The following LTBP1 variants were observed in gnomAD, a reference collection of about 807,000 sequenced individuals.
The protein encoded by LTBP1 is latent transforming growth factor beta binding protein 1.
In LTBP1, 129 loss-of-function variants were observed where a neutral mutation model predicts 207.6. The observed-to-expected ratio is 0.62, with a 90% CI of 0.54 to 0.72. The LOEUF is 0.72. Among genes scored for constraint, LTBP1 ranks in the 30% least tolerant of loss-of-function variants. The pLI, the probability that LTBP1 is intolerant of heterozygous loss-of-function variation, is 0.00. For synonymous variants in LTBP1, 963 were observed against 833.7 expected (o/e 1.16, Z -2.67); for missense variants, 2,281 against 2,217.2 (o/e 1.03, Z -0.58).
chr2:33,208,002 C>T (rs1478832014), intron 7 of LTBP1, among the ~76,000 whole-genome samples: 1 of 152,202 alleles, frequency 6.6e-6, no homozygotes, highest in African/African-American at 2.4e-5. Flanking sequence ...CAACCTGTTA[C>T]ATGTAGTCAG....
intron 3 of LTBP1, among the ~76,000 whole-genome samples, chr2:33,108,330 A>G (rs2080183211): frequency 6.6e-6 from 1 of 152,096 alleles, no homozygotes; most frequent in Non-Finnish European, 1.5e-5. Context: ...GTGTAGCTCC[A>G]TATTTGCAAT....
chr2:33,309,361 C>A, intron 22 of LTBP1, 73 bp from the exon 23 acceptor site: 1 of 981,698 alleles, frequency 1.0e-6, no homozygotes, highest in Non-Finnish European at 1.5e-6. Flanking sequence ...TGTACCTTTA[C>A]ATGTAAGAGA....
chr2:33,343,096 A>C (rs1261329344), intron 25 of LTBP1, 133 bp downstream of exon 25: 3 of 1,118,302 alleles, frequency 2.7e-6, no homozygotes, highest in Non-Finnish European at 2.5e-6. Flanking sequence ...ATACAATTTG[A>C]GGATGTGCAA....
intron 3 of LTBP1, among the ~76,000 whole-genome samples, chr2:33,087,706 A>G: frequency 6.6e-6 from 1 of 152,254 alleles, no homozygotes; most frequent in East Asian, 1.9e-4. Flanking sequence ...GACCAGAAAT[A>G]TAAGTCACAT....
At chr2:33,152,386 G>C (rs1295715350) in intron 5 of LTBP1, among the ~76,000 whole-genome samples, 1 of 152,136 alleles carries the variant, frequency 6.6e-6, no homozygotes, top group Non-Finnish European at 1.5e-5. Flanking sequence ...ACGCCTGCAA[G>C]AATGACCATA....
At chr2:33,057,885 G>A (rs11897588) in intron 3 of LTBP1, among the ~76,000 whole-genome samples, 16,862 of 152,274 alleles carry the variant, frequency 0.11, 1,051 homozygotes, top group African/African-American at 0.13. Context: ...ATGGTGCAGC[G>A]GCGGGCTGAA....
intron 13 of LTBP1, among the ~76,000 whole-genome samples, chr2:33,261,031 A>G (rs1483863276): frequency 2.0e-5 from 3 of 152,234 alleles, no homozygotes; most frequent in Admixed American, 2.0e-4. Flanking sequence ...GAAGAAAAGA[A>G]AGGATACCCA....
intron 3 of LTBP1, among the ~76,000 whole-genome samples, chr2:33,089,458 G>C (rs2078955828): frequency 1.3e-5 from 2 of 152,176 alleles, no homozygotes; most frequent in Admixed American, 6.5e-5. Context: ...GCTTGGGGGA[G>C]GGTCCTACTG....
At chr2:33,180,686 C>G (rs913782919) in intron 5 of LTBP1, among the ~76,000 whole-genome samples, 1 of 152,020 alleles carries the variant, frequency 6.6e-6, no homozygotes, top group Non-Finnish European at 1.5e-5. Flanking sequence ...GAACTCCTGG[C>G]CTTAAGTGAT....
intron 3 of LTBP1, among the ~76,000 whole-genome samples, chr2:33,056,107 G>C (rs1365147563): frequency 6.6e-6 from 1 of 152,166 alleles, no homozygotes; most frequent in African/African-American, 2.4e-5. Flanking sequence ...CAGGATGATA[G>C]TATTGTAATT....
intron 4 of LTBP1, among the ~76,000 whole-genome samples, chr2:33,117,649 C>T (rs140482189): frequency 1.3e-5 from 2 of 152,312 alleles, no homozygotes; most frequent in East Asian, 1.9e-4. Context: ...TGGGCAAGAA[C>T]GTTGCTTAAA....
chr2:33,222,465 C>T (rs1225003012), intron 9 of LTBP1, among the ~76,000 whole-genome samples: 4 of 152,200 alleles, frequency 2.6e-5, no homozygotes, highest in Non-Finnish European at 5.9e-5. Flanking sequence ...TGGGCGTGTG[C>T]ACACATGTGC....
intron 3 of LTBP1, among the ~76,000 whole-genome samples, chr2:33,064,749 A>G (rs2077423481): frequency 6.6e-6 from 1 of 152,230 alleles, no homozygotes; most frequent in Non-Finnish European, 1.5e-5. Context: ...TTGAAAAGAC[A>G]GGCCAGAAGA....
chr2:32,947,479 G>A lies in LTBP1; in HGVS notation c.155G>A (p.Arg52Gln). 6.9e-7 allele frequency: 1 copy of A among 1,445,658 alleles called. No homozygotes were observed. The highest frequency in any genetic ancestry group is 9.1e-7 in the Non-Finnish European group (1 of 1,103,480). The allele number at this position is 1,445,658 out of a possible 1,614,324, so 89.6% of individuals were successfully genotyped here. ...ALPLSGPPRS[R>Q]TFNVALNARY... ...CCCCTGAGCGGGCCCCCGCGTTCGC[G>A]GACATTCAACGTCGCGCTCAACGCC... Residue 52 changes from arginine (R) to glutamine (Q), a missense_variant, in exon 1 of 34, where the codon CGG becomes CAG. By Grantham distance (43) the Arg-to-Gln change is conservative. Coordinates refer to ENST00000404816, the MANE Select transcript of LTBP1 (RefSeq NM_206943.4).
chr2:33,260,865 G>C (rs1054522848), intron 13 of LTBP1, among the ~76,000 whole-genome samples: 1 of 152,096 alleles, frequency 6.6e-6, no homozygotes. Flanking sequence ...CTTTATGATT[G>C]AATTTAATAA....
In LTBP1 at chr2:33,398,356, T is replaced by G; in HGVS notation, c.4985-8T>G. 1.2e-6 allele frequency: 2 copies of G among 1,612,252 alleles called. No individual in the cohort carries two copies. The highest frequency in any genetic ancestry group is 1.7e-6 in the Non-Finnish European group (2 of 1,178,956). On this transcript the variant is annotated splice_polypyrimidine_tract_variant and splice_region_variant and intron_variant, in intron 33 of 33. Transcript: ENST00000404816. ...GATTGTTTACCTGCATGGCTTGACT[T>G]ATTGCAGATGTAAATGAATGCGATG... is the stretch of plus-strand genomic sequence containing the variant.
At position 33,072,706 on chromosome 2, in the gene LTBP1, G is replaced by A. The variant is rs373253723; in HGVS notation, c.864-37876G>A. On this transcript the variant is annotated intron_variant, in intron 3 of 33. Transcript: ENST00000404816. ...GTGATAAGGACTATGGGAGTTACGA[G>A]CCAGAAACCATGGTTGAAAACCGGT... Among the ~76,000 whole-genome samples the A allele has an allele frequency of 7.4e-4, 112 of 152,300 alleles. 2 individuals carry two copies. The South Asian group carries it at 0.023, about 31-fold the overall frequency.
At chr2:33,210,499 T>C (rs1422745756) in intron 7 of LTBP1, among the ~76,000 whole-genome samples, 2 of 152,226 alleles carry the variant, frequency 1.3e-5, no homozygotes, top group African/African-American at 4.8e-5. Context: ...CTCATCAGTC[T>C]TTCTGTACTT....
intron 33 of LTBP1, 64 bp downstream of exon 33, chr2:33,397,346 A>G: frequency 6.4e-7 from 1 of 1,571,034 alleles, no homozygotes; most frequent in Non-Finnish European, 8.7e-7. Flanking sequence ...CTCAGTCAGT[A>G]GAGAACATTT....
Sources: gnomAD v4.1 joint callset for allele counts (sites outside exome capture counted in the v4.1 genomes callset) on GRCh38, gnomAD v4.1.1 for gene constraint, MANE v1.5 for transcripts, NCBI Gene and HGNC (gene_info 2026-07-23, HGNC 2026-07-21) for gene names.